Variants in BRIP1 observed in about 807,000 individuals in gnomAD.
BRIP1 encodes Fanconi anemia group J protein.
A neutral mutation model predicts 119.7 loss-of-function variants in BRIP1; 88 were observed. The observed-to-expected ratio is 0.74, with a 90% CI of 0.62 to 0.88. BRIP1 has a LOEUF of 0.88. Among genes scored for constraint, BRIP1 ranks in the 40% least tolerant of loss-of-function variants. BRIP1 has a pLI of 0.00. For missense variants in BRIP1, 1,259 were observed against 1,455.4 expected, an observed-to-expected ratio of 0.87 and a Z score of 2.20; for synonymous variants, 443 against 496.5, an observed-to-expected ratio of 0.89 and a Z score of 1.43.
chr17:61,762,202 G>A lies in BRIP1; in HGVS notation c.2097+14199C>T, dbSNP rs763021457. On this transcript the variant is annotated intron_variant, in intron 14 of 19. Coordinates refer to ENST00000259008, the MANE Select transcript of BRIP1 (RefSeq NM_032043.3). The surrounding 1 kb of genome is among the most constrained non-coding windows in gnomAD (Gnocchi z 4.3). The stretch of plus-strand genomic sequence containing the variant: ...TAAGAAAATTAGATATCCACATGCA[G>A]AAGAATGAAAATGGACCCTTATCTC... Among the ~76,000 whole-genome samples the A allele has an allele frequency of 2.6e-5, 4 of 151,818 alleles. No individual in the cohort carries two copies. The highest frequency in any genetic ancestry group is 5.9e-5 in the Non-Finnish European group (4 of 67,950).
intron 17 of BRIP1, among the ~76,000 whole-genome samples, chr17:61,712,395 G>A (rs1427527064): frequency 6.6e-6 from 1 of 151,760 alleles, no homozygotes; most frequent in Admixed American, 6.6e-5. Context: ...TGTATTTTTA[G>A]TAGAGACGGG....
chr17:61,716,162 G>T, intron 16 of BRIP1, 99 bp from the exon 17 acceptor site: 12 of 747,632 alleles, frequency 1.6e-5, no homozygotes, highest in South Asian at 9.3e-5. Flanking sequence ...ATATTTTTAG[G>T]GTAGAGATTT....
rs1343423382 is a variant in BRIP1 at position 61,742,002 on chromosome 17, C to G, written c.2379+1011G>C. Reference sequence around the variant, plus strand: ...TCAATAGAAGGCTGATTCTTCTACACTGAAAATCTGTTGTTTTGCGTAGCC... The same window carrying G: ...TCAATAGAAGGCTGATTCTTCTACAGTGAAAATCTGTTGTTTTGCGTAGCC... On this transcript the variant is annotated intron_variant, in intron 16 of 19. Transcript: ENST00000259008. The surrounding 1 kb of genome is among the most constrained non-coding windows in gnomAD (Gnocchi z 4.7). Among the ~76,000 whole-genome samples, 1 of 152,216 alleles carries G rather than the reference C, an allele frequency of 6.6e-6. No homozygotes were observed. The highest frequency in any genetic ancestry group is 1.5e-5 in the Non-Finnish European group (1 of 68,040).
Position 61,745,738 on chromosome 17 carries a change from A to G in BRIP1, c.2098-1147T>C, listed in dbSNP as rs1000364493. Among the ~76,000 whole-genome samples the G allele has an allele frequency of 5.3e-5, 8 of 152,328 alleles. No homozygotes were observed. The highest frequency in any genetic ancestry group is 1.9e-4 in the African/African-American group (8 of 41,576). On this transcript the variant is annotated intron_variant, in intron 14 of 19. Transcript: ENST00000259008. This position sits in a 1 kb window ranked among gnomAD's most constrained non-coding sequence, Gnocchi z 4.4. ...ACACAGTATAACTCATGAAATCTTTAGTTATGAATAAGAAAAGCACTCACA... is the reference window on the plus strand; with the variant it reads ...ACACAGTATAACTCATGAAATCTTTGGTTATGAATAAGAAAAGCACTCACA...
Position 61,853,754 on chromosome 17 carries a change from T to C in BRIP1, c.379+3304A>G, listed in dbSNP as rs2078856070. On this transcript the variant is annotated intron_variant, in intron 4 of 19. Transcript: ENST00000259008. This position sits in a 1 kb window ranked among gnomAD's most constrained non-coding sequence, Gnocchi z 4.3. ...TATACACATATTAACTCAAAATGGATCTTAGACCTAAATGTAAACCTAAAA... is the reference window on the plus strand; with the variant it reads ...TATACACATATTAACTCAAAATGGACCTTAGACCTAAATGTAAACCTAAAA... Among the ~76,000 whole-genome samples, 1 of 152,186 alleles carries C rather than the reference T, an allele frequency of 6.6e-6. No individual in the cohort carries two copies. Among genetic ancestry groups the C allele is most frequent in the African/African-American group, 2.4e-5 (1 of 41,438 alleles).
rs1436691918 is a variant in BRIP1, at chr17:61,724,635, C to A, written c.2380-8572G>T. Among the ~76,000 whole-genome samples the A allele has an allele frequency of 6.6e-6, 1 of 152,114 alleles. No homozygotes were observed. Among genetic ancestry groups the A allele is most frequent in the Non-Finnish European group, 1.5e-5 (1 of 68,002 alleles). On this transcript the variant is annotated intron_variant, in intron 16 of 19. Transcript: ENST00000259008. This position sits in a 1 kb window ranked among gnomAD's most constrained non-coding sequence, Gnocchi z 5.1. ...GATTTTATCCCAACTCATACCAATA[C>A]ATATTATGATTTCAGTAATAAATGC...
chr17:61,746,274 A>G lies in BRIP1; in HGVS notation c.2098-1683T>C, dbSNP rs1389089110. 1.3e-5 allele frequency among the ~76,000 whole-genome samples: 2 copies of G among 152,126 alleles called. No individual in the cohort carries two copies. The highest frequency in any genetic ancestry group is 4.8e-5 in the African/African-American group (2 of 41,436). ...ATATTACTTTTTATTCTCCAGAAAG[A>G]CATCAAGGGAGGAATAGAGGAACAA... On this transcript the variant is annotated intron_variant, in intron 14 of 19. Coordinates refer to ENST00000259008, the MANE Select transcript of BRIP1 (RefSeq NM_032043.3). This position sits in a 1 kb window ranked among gnomAD's most constrained non-coding sequence, Gnocchi z 4.9.
rs2061442621 is a variant in BRIP1, at chr17:61,691,214, A to G, written c.2575+2216T>C. Among the ~76,000 whole-genome samples, 1 of 152,138 alleles carries G rather than the reference A, an allele frequency of 6.6e-6. No individual in the cohort carries two copies. Among genetic ancestry groups the G allele is most frequent in the Non-Finnish European group, 1.5e-5 (1 of 68,014 alleles). On this transcript the variant is annotated intron_variant, in intron 18 of 19. Coordinates refer to ENST00000259008, the MANE Select transcript of BRIP1 (RefSeq NM_032043.3). This position sits in a 1 kb window ranked among gnomAD's most constrained non-coding sequence, Gnocchi z 5.0. ...ACAAACCTGCACGTTGTGCACATGT[A>G]CCCTAGAACTTAAAGTATAATAATA... is the stretch of plus-strand genomic sequence containing the variant.
chr17:61,698,095 C>T (rs373081735), intron 17 of BRIP1, among the ~76,000 whole-genome samples: 2 of 152,166 alleles, frequency 1.3e-5, no homozygotes, highest in African/African-American at 2.4e-5. Context: ...CGTGAGCCAC[C>T]GTGCCTGGCC....
Position 61,748,159 on chromosome 17 carries a change from C to T in BRIP1, c.2098-3568G>A, listed in dbSNP as rs1387758632. ...GAGCATTACTGCCTGAGCTCAGTCTCCTGTCAGATCAGCAGCAGCATTATA... is the reference window on the plus strand; with the variant it reads ...GAGCATTACTGCCTGAGCTCAGTCTTCTGTCAGATCAGCAGCAGCATTATA... On this transcript the variant is annotated intron_variant, in intron 14 of 19. Transcript: ENST00000259008. This position sits in a 1 kb window ranked among gnomAD's most constrained non-coding sequence, Gnocchi z 4.7. Among the ~76,000 whole-genome samples the T allele has an allele frequency of 6.6e-6, 1 of 152,130 alleles. No homozygotes were observed. Among genetic ancestry groups the T allele is most frequent in the African/African-American group, 2.4e-5 (1 of 41,420 alleles).
chr17:61,837,782 G>C (rs1049336949), intron 6 of BRIP1, among the ~76,000 whole-genome samples: 1 of 152,072 alleles, frequency 6.6e-6, no homozygotes, highest in African/African-American at 2.4e-5. Flanking sequence ...TGAATTGTCA[G>C]ATTAAGAAAA....
chr17:61,724,108 T>C lies in BRIP1; in HGVS notation c.2380-8045A>G, dbSNP rs2062025808. ...CTTACTATGATAGTTTTTAGACAAA[T>C]AAATATATATCTGCATCAAAATCTA... is the stretch of plus-strand genomic sequence containing the variant. On this transcript the variant is annotated intron_variant, in intron 16 of 19. Coordinates refer to ENST00000259008, the MANE Select transcript of BRIP1 (RefSeq NM_032043.3). The surrounding 1 kb of genome is among the most constrained non-coding windows in gnomAD (Gnocchi z 5.1). 6.6e-6 allele frequency among the ~76,000 whole-genome samples: 1 copy of C among 152,040 alleles called. No homozygotes were observed. Among genetic ancestry groups the C allele is most frequent in the African/African-American group, 2.4e-5 (1 of 41,406 alleles).
rs1010651057 is a variant in BRIP1, at chr17:61,844,332, C to T, written c.627+2769G>A. On this transcript the variant is annotated intron_variant, in intron 6 of 19. Transcript: ENST00000259008. This position sits in a 1 kb window ranked among gnomAD's most constrained non-coding sequence, Gnocchi z 4.7. ...AGGTGCAGTGATTCATGCCTATAATCCCAAAACTCTGGGAGGCCCAGGCAA... is the reference window on the plus strand; with the variant it reads ...AGGTGCAGTGATTCATGCCTATAATTCCAAAACTCTGGGAGGCCCAGGCAA... Among the ~76,000 whole-genome samples the T allele has an allele frequency of 6.6e-5, 10 of 152,280 alleles. No individual in the cohort carries two copies. The highest frequency in any genetic ancestry group is 2.2e-4 in the African/African-American group (9 of 41,564).
rs2076765336 is a variant in BRIP1, at chr17:61,726,301, GA to G, written c.2380-10239del. ...TGAAGAAATAAATGACAATATGCAT[GA>G]AACAGTAAAGCATCAGATACTAGAG... On this transcript the variant is annotated intron_variant, in intron 16 of 19. Transcript: ENST00000259008. The surrounding 1 kb of genome is among the most constrained non-coding windows in gnomAD (Gnocchi z 6.2). Among the ~76,000 whole-genome samples, 2 of 152,192 alleles carry G rather than the reference GA, an allele frequency of 1.3e-5. No homozygotes were observed. The highest frequency in any genetic ancestry group is 2.9e-5 in the Non-Finnish European group (2 of 68,028).
rs1209977733 is a variant in BRIP1, at chr17:61,700,862, A to C, written c.2493-7350T>G. ...TTCATTCTTTTTCTTTCTGTTCTTC[A>C]GAGTAAATAATCTCAATTGATGTTT... On this transcript the variant is annotated intron_variant, in intron 17 of 19. Coordinates refer to ENST00000259008, the MANE Select transcript of BRIP1 (RefSeq NM_032043.3). The surrounding 1 kb of genome is among the most constrained non-coding windows in gnomAD (Gnocchi z 4.1). Among the ~76,000 whole-genome samples the C allele has an allele frequency of 6.6e-6, 1 of 152,108 alleles. No homozygotes were observed. Among genetic ancestry groups the C allele is most frequent in the Non-Finnish European group, 1.5e-5 (1 of 68,036 alleles).
chr17:61,844,089 AT>A lies in BRIP1; in HGVS notation c.627+3011del, dbSNP rs1193330614. ...CAAGTACACACCACCACACACAGCT[AT>A]TTTTTTTCTTCTATTCTTTATAAAG... is the stretch of plus-strand genomic sequence containing the variant. On this transcript the variant is annotated intron_variant, in intron 6 of 19. Transcript: ENST00000259008. This position sits in a 1 kb window ranked among gnomAD's most constrained non-coding sequence, Gnocchi z 4.7. 1.3e-5 allele frequency among the ~76,000 whole-genome samples: 2 copies of A among 151,154 alleles called. No individual in the cohort carries two copies. The highest frequency in any genetic ancestry group is 3.0e-5 in the Non-Finnish European group (2 of 67,760).
At chr17:61,830,300 T>TAA (rs35560519) in intron 6 of BRIP1, among the ~76,000 whole-genome samples, 18,636 of 137,168 alleles carry the variant, frequency 0.14, 1,825 homozygotes, top group East Asian at 0.57. Flanking sequence ...CAATGGTAAT[T>TAA]AAAAAAAAAA....
Position 61,802,004 on chromosome 17 carries a change from A to G in BRIP1, c.919-530T>C, listed in dbSNP as rs2078003977. Among the ~76,000 whole-genome samples, 1 of 152,212 alleles carries G rather than the reference A, an allele frequency of 6.6e-6. No individual in the cohort carries two copies. Among genetic ancestry groups the G allele is most frequent in the Non-Finnish European group, 1.5e-5 (1 of 68,042 alleles). Reference sequence around the variant, plus strand: ...GGTTGGAATGTCCTAAGGGGAAAAAAAGAAAGTAAGAGTATTCACTACAAA... The same window carrying G: ...GGTTGGAATGTCCTAAGGGGAAAAAGAGAAAGTAAGAGTATTCACTACAAA... On this transcript the variant is annotated intron_variant, in intron 7 of 19. Coordinates refer to ENST00000259008, the MANE Select transcript of BRIP1 (RefSeq NM_032043.3). This position sits in a 1 kb window ranked among gnomAD's most constrained non-coding sequence, Gnocchi z 6.0.
rs2078968886 is a variant in BRIP1, at chr17:61,861,302, T to G, written c.93+145A>C. 1 of 685,268 alleles carries G rather than the reference T, an allele frequency of 1.5e-6. No individual in the cohort carries two copies. Among genetic ancestry groups the G allele is most frequent in the Non-Finnish European group, 2.6e-6 (1 of 380,880 alleles). 42.4% of individuals were successfully genotyped at this position (685,268 alleles called of 1,614,324 possible). ...TACAGTTTAGCTGCAATCAGTAGTTTCCCAGAGGTTAGATATTCTTCCAAG... is the reference window on the plus strand; with the variant it reads ...TACAGTTTAGCTGCAATCAGTAGTTGCCCAGAGGTTAGATATTCTTCCAAG... On this transcript the variant is annotated intron_variant, in intron 2 of 19. Coordinates refer to ENST00000259008, the MANE Select transcript of BRIP1 (RefSeq NM_032043.3). This position sits in a 1 kb window ranked among gnomAD's most constrained non-coding sequence, Gnocchi z 4.5.
Sources: allele counts gnomAD v4.1 joint callset (sites outside exome capture counted in the v4.1 genomes callset), GRCh38; gene constraint gnomAD v4.1.1; non-coding constraint Gnocchi (gnomAD v3.1); transcripts MANE v1.5; gene names NCBI Gene and HGNC (gene_info 2026-07-23, HGNC 2026-07-21).